Variants in MRPL52 observed in about 807,000 individuals in gnomAD.
MRPL52 encodes mitochondrial ribosomal protein L52, also known as large ribosomal subunit protein mL52.
A neutral mutation model predicts 22.1 loss-of-function variants in MRPL52; 19 were observed. That is an observed-to-expected ratio of 0.86 (90% confidence interval 0.60 to 1.26). MRPL52 has a LOEUF of 1.26. Ranked by LOEUF, MRPL52 falls within the 50% of genes most tolerant of loss-of-function variation. The probability of loss-of-function intolerance (pLI) is 0.00; values close to 1 mark genes in which losing one functional copy is unlikely to be tolerated. For missense variants in MRPL52, 152 were observed against 148.1 expected, an observed-to-expected ratio of 1.03 and a Z score of -0.14; for synonymous variants, 50 against 57.5, an observed-to-expected ratio of 0.87 and a Z score of 0.59.
chr14:22,831,339 T>C, intron 3 of MRPL52: 1 of 266,138 alleles, frequency 3.8e-6, no homozygotes, highest in East Asian at 8.6e-5. Flanking sequence ...GCTGGTCTTG[T>C]ACTCCTTAGC....
In MRPL52 at chr14:22,834,563, G is replaced by A. The variant is rs1260893579; in HGVS notation, c.*242G>A. 6 of 408,540 alleles carry A rather than the reference G, an allele frequency of 1.5e-5. No individual in the cohort carries two copies. Among genetic ancestry groups the A allele is most frequent in the South Asian group, 6.3e-5 (2 of 31,592 alleles). 25.3% of individuals were successfully genotyped at this position (408,540 alleles called of 1,614,324 possible). ...AAATTTTTACCTCCTAGCTGGGTGC[G>A]GTGGCTCACGCCTGTAATCCCAGCA... is the stretch of plus-strand genomic sequence containing the variant. On this transcript the variant is annotated 3_prime_UTR_variant, in exon 5 of 5. Coordinates refer to ENST00000397496, the MANE Select transcript of MRPL52 (RefSeq NM_180982.3).
In MRPL52 at chr14:22,834,698, A is replaced by C; in HGVS notation, c.*377A>C. Reference sequence around the variant, plus strand: ...CCTGTCCCTACTAAAGATACAAACAATTAGCCGGGCGTGGTGGGGTGCGCT... The same window carrying C: ...CCTGTCCCTACTAAAGATACAAACACTTAGCCGGGCGTGGTGGGGTGCGCT... On this transcript the variant is annotated 3_prime_UTR_variant, in exon 5 of 5. Transcript: ENST00000397496. 2 of 162,816 alleles carry C rather than the reference A, an allele frequency of 1.2e-5. No homozygotes were observed. Among genetic ancestry groups the C allele is most frequent in the African/African-American group, 2.4e-5 (1 of 41,746 alleles). 10.1% of individuals were successfully genotyped at this position (162,816 alleles called of 1,614,324 possible).
At position 22,834,404 on chromosome 14, in the gene MRPL52, C is replaced by T. The variant is rs901357633; in HGVS notation, c.*83C>T. The T allele has an allele frequency of 1.4e-6, 2 of 1,419,476 alleles. No homozygotes were observed. Among genetic ancestry groups the T allele is most frequent in the Non-Finnish European group, 1.9e-6 (2 of 1,060,724 alleles). The allele number at this position is 1,419,476 out of a possible 1,614,324, so 87.9% of individuals were successfully genotyped here. A position where few individuals can be genotyped will look rare whatever the true frequency, so the allele number is the denominator to read the frequency against. On this transcript the variant is annotated 3_prime_UTR_variant, in exon 5 of 5. Coordinates refer to ENST00000397496, the MANE Select transcript of MRPL52 (RefSeq NM_180982.3). ...GATGCTTCATCCAGCCAGAAGATAG[C>T]CTTCACGTTCCCCATCTGTCTTCAG...
At chr14:22,830,336 C>T in intron 3 of MRPL52, 82 bp downstream of exon 3, 2 of 1,417,992 alleles carry the variant, frequency 1.4e-6, no homozygotes, top group Admixed American at 3.4e-5. Flanking sequence ...CTGGGGGTAT[C>T]AAGGTGGGGG....
chr14:22,832,461 C>T (rs1348912572), intron 3 of MRPL52, among the ~76,000 whole-genome samples: 1 of 152,056 alleles, frequency 6.6e-6, no homozygotes, highest in African/African-American at 2.4e-5. Context: ...ATGCCTCAGC[C>T]TCCCTAGTAG....
chr14:22,830,151 G>T lies in MRPL52; in HGVS notation c.87-36G>T, dbSNP rs375373461. The T allele has an allele frequency of 3.1e-6, 5 of 1,614,046 alleles. No individual in the cohort carries two copies. The African/African-American group carries it at 6.7e-5, about 22-fold the overall frequency. On this transcript the variant is annotated intron_variant, in intron 2 of 4. Transcript: ENST00000397496. ...AGGGCACCTGGGGGACCAGAAGCTG[G>T]GCTAGGTCCTCACAGATCTGTTTTT...
chr14:22,830,033 C>G lies in MRPL52; in HGVS notation c.29-20C>G, dbSNP rs78933620. 6,457 of 1,613,986 alleles carry G rather than the reference C, an allele frequency of 4.0e-3. 215 individuals carry two copies. The African/African-American group carries it at 0.074, about 19-fold the overall frequency. On this transcript the variant is annotated intron_variant, in intron 1 of 4. Transcript: ENST00000397496. ...CGGCTGCGCGGCCTCTCCCCCAACT[C>G]TGCTCTGTTCTCCCAGCAGGTGTCC...
intron 3 of MRPL52, 129 bp downstream of exon 3, chr14:22,830,383 A>G: frequency 2.2e-6 from 2 of 907,984 alleles, no homozygotes; most frequent in Non-Finnish European, 3.4e-6. Context: ...TGGAAAACGG[A>G]ATTTGGGGAA....
chr14:22,832,909 G>A (rs2039654136), intron 3 of MRPL52, among the ~76,000 whole-genome samples: 1 of 151,982 alleles, frequency 6.6e-6, no homozygotes, highest in Non-Finnish European at 1.5e-5. Flanking sequence ...GCCGAGCACG[G>A]TGGCTCATGC....
chr14:22,830,886 T>G (rs9646148), intron 3 of MRPL52: 878,734 of 1,034,834 alleles, frequency 0.85, 374,048 homozygotes, highest in East Asian at 1. Flanking sequence ...TAGTAGCAAA[T>G]CCAGGACTAG....
At chr14:22,833,053 T>C (rs1427904293) in intron 3 of MRPL52, among the ~76,000 whole-genome samples, 1 of 148,586 alleles carries the variant, frequency 6.7e-6, no homozygotes, top group Non-Finnish European at 1.5e-5. Context: ...TGGCACGTGT[T>C]TGTAGTCCCA....
In MRPL52 at chr14:22,829,893, C is replaced by A; in HGVS notation, c.-20C>A. On this transcript the variant is annotated 5_prime_UTR_variant, in exon 1 of 5. Coordinates refer to ENST00000397496, the MANE Select transcript of MRPL52 (RefSeq NM_180982.3). ...CGAGGCCACGCCTACTTCCGGCTAC[C>A]CCGGCTACTCCTGCTCAGCATGGCT... is the stretch of plus-strand genomic sequence containing the variant. 1 of 1,564,620 alleles carries A rather than the reference C, an allele frequency of 6.4e-7. No homozygotes were observed. The highest frequency in any genetic ancestry group is 1.4e-5 in the African/African-American group (1 of 73,772).
At chr14:22,834,084 T>A (rs12437230) in intron 4 of MRPL52, 88 bp from the exon 5 acceptor site, 4 of 1,453,328 alleles carry the variant, frequency 2.8e-6, no homozygotes, top group Non-Finnish European at 3.7e-6. Context: ...ATTTTCCAGA[T>A]GAAACCTCTG....
At position 22,833,435 on chromosome 14, in the gene MRPL52, C is replaced by G; in HGVS notation, c.172C>G (p.Pro58Ala). The change falls in exon 4 of 5, where the codon CCA becomes GCA. Residue 58 changes from proline to alanine, a missense_variant. Physicochemically the swap from Pro to Ala is conservative, Grantham distance 27. Coordinates refer to ENST00000397496, the MANE Select transcript of MRPL52 (RefSeq NM_180982.3). ...WSYADGRPAP[P>A]MKGQLRRKAE... Reference sequence around the variant, plus strand: ...ACTTGTAGATGGCCGCCCTGCTCCCCCAATGAAAGGCCAGCTTCGAAGAAA... The same window carrying G: ...ACTTGTAGATGGCCGCCCTGCTCCCGCAATGAAAGGCCAGCTTCGAAGAAA... The G allele has an allele frequency of 6.2e-7, 1 of 1,613,724 alleles. No individual in the cohort carries two copies. The highest frequency in any genetic ancestry group is 1.1e-5 in the South Asian group (1 of 91,072).
intron 3 of MRPL52, among the ~76,000 whole-genome samples, chr14:22,832,629 C>T (rs1206801559): frequency 6.6e-6 from 1 of 152,098 alleles, no homozygotes; most frequent in African/African-American, 2.4e-5. Flanking sequence ...TGTGAGCCAC[C>T]ACGCCTGGCC....
At chr14:22,830,969 T>G in intron 3 of MRPL52, 1 of 1,531,606 alleles carries the variant, frequency 6.5e-7, no homozygotes, top group Non-Finnish European at 8.7e-7. Flanking sequence ...TCTAGGGGTA[T>G]GATCCTGCTT....
At chr14:22,832,735 C>T (rs756548913) in intron 3 of MRPL52, among the ~76,000 whole-genome samples, 1 of 151,836 alleles carries the variant, frequency 6.6e-6, no homozygotes, top group Non-Finnish European at 1.5e-5. Flanking sequence ...GTAAATTAGC[C>T]GGGTGTGGTG....
At position 22,830,272 on chromosome 14, in the gene MRPL52, A is replaced by G. The variant is rs1455655688; in HGVS notation, c.154+18A>G. On this transcript the variant is annotated intron_variant, in intron 3 of 4. Coordinates refer to ENST00000397496, the MANE Select transcript of MRPL52 (RefSeq NM_180982.3). ...ATATGCGGGTAAGCGCTGATCTGGC[A>G]GTTAACTCCACTGGGGAGATTTTCA... is the stretch of plus-strand genomic sequence containing the variant. The G allele has an allele frequency of 1.2e-6, 2 of 1,614,086 alleles. No homozygotes were observed. The highest frequency in any genetic ancestry group is 1.7e-6 in the Non-Finnish European group (2 of 1,179,912).
chr14:22,834,348 C>T lies in MRPL52; in HGVS notation c.*27C>T, dbSNP rs2039692698. The T allele has an allele frequency of 6.3e-7, 1 of 1,593,236 alleles. No individual in the cohort carries two copies. Among genetic ancestry groups the T allele is most frequent in the Non-Finnish European group, 8.5e-7 (1 of 1,171,580 alleles). On this transcript the variant is annotated 3_prime_UTR_variant, in exon 5 of 5. Coordinates refer to ENST00000397496, the MANE Select transcript of MRPL52 (RefSeq NM_180982.3). Reference sequence around the variant, plus strand: ...AAGCAACTCCTGCCTCCCTTCCTCACCCTGTCTCTGGATTTCTTTTCTATC... The same window carrying T: ...AAGCAACTCCTGCCTCCCTTCCTCATCCTGTCTCTGGATTTCTTTTCTATC...
Sources: allele counts gnomAD v4.1 joint callset (sites outside exome capture counted in the v4.1 genomes callset), GRCh38; gene constraint gnomAD v4.1.1; transcripts MANE v1.5; gene names NCBI Gene and HGNC (gene_info 2026-07-23, HGNC 2026-07-21).